Variants in PTPN12 observed in about 807,000 individuals in gnomAD.
The protein encoded by PTPN12 is protein tyrosine phosphatase non-receptor type 12, also known as tyrosine-protein phosphatase non-receptor type 12.
In PTPN12, 29 loss-of-function variants were observed where a neutral mutation model predicts 97.6. The ratio of observed to expected loss-of-function variants is 0.30; its 90% CI spans 0.22 to 0.41. The LOEUF (loss-of-function observed/expected upper bound fraction) is 0.41. PTPN12 is among the 10% of genes least tolerant of loss of function. The pLI is 1.00. For missense variants in PTPN12, 819 were observed against 926.0 expected (o/e 0.88, Z 1.50); for synonymous variants, 327 against 300.4 (o/e 1.09, Z -0.91).
intron 2 of PTPN12, among the ~76,000 whole-genome samples, chr7:77,576,362 T>A (rs538800783): frequency 1.3e-5 from 2 of 152,276 alleles, no homozygotes; most frequent in South Asian, 4.1e-4. Context: ...AATAATTGTT[T>A]TCATTTTTTT....
In PTPN12 at chr7:77,625,476, T is replaced by TCGCTCTCTCTCTCTCTCTCTCC. The variant is rs1562758666; in HGVS notation, c.1026-1228_1026-1227insGCTCTCTCTCTCTCTCTCTCCC. Among the ~76,000 whole-genome samples the TCGCTCTCTCTCTCTCTCTCTCC allele has an allele frequency of 7.2e-5, 2 of 27,600 alleles. 1 individual carries two copies. Among genetic ancestry groups the TCGCTCTCTCTCTCTCTCTCTCC allele is most frequent in the Non-Finnish European group, 1.2e-4 (2 of 16,104 alleles). 18.1% of individuals were successfully genotyped at this position (27,600 alleles called of 152,430 possible). A position where few individuals can be genotyped will look rare whatever the true frequency, so the allele number is the denominator to read the frequency against. Reference sequence around the variant, plus strand: ...GCCATATTGCCCAGGCTGCTCGCTCTCTCTCTCTCTCTCTCTCTCTCTCTC... The same window carrying TCGCTCTCTCTCTCTCTCTCTCC: ...GCCATATTGCCCAGGCTGCTCGCTCTCGCTCTCTCTCTCTCTCTCTCCCTCTCTCTCTCTCTCTCTCTCTCTC... On this transcript the variant is annotated intron_variant, in intron 12 of 17. Transcript: ENST00000248594.
chr7:77,550,794 A>G (rs564388969), intron 1 of PTPN12, among the ~76,000 whole-genome samples: 1 of 152,232 alleles, frequency 6.6e-6, no homozygotes, highest in Non-Finnish European at 1.5e-5. Flanking sequence ...CACTCTCATA[A>G]TAAGCAGATG....
intron 9 of PTPN12, among the ~76,000 whole-genome samples, chr7:77,609,770 A>C (rs1788502064): frequency 1.3e-5 from 2 of 151,338 alleles, no homozygotes; most frequent in South Asian, 4.2e-4. Context: ...AGTCCCAGCT[A>C]CTCCGGAGGC....
At chr7:77,559,894 A>G (rs1356802276) in intron 1 of PTPN12, among the ~76,000 whole-genome samples, 1 of 152,210 alleles carries the variant, frequency 6.6e-6, no homozygotes, top group Non-Finnish European at 1.5e-5. Flanking sequence ...TGATGGCGGC[A>G]TTGGTAGTGA....
chr7:77,628,278 G>A (rs1051435121), intron 13 of PTPN12, among the ~76,000 whole-genome samples: 1 of 152,088 alleles, frequency 6.6e-6, no homozygotes, highest in African/African-American at 2.4e-5. Context: ...ATTATTTAAA[G>A]AATTATTATT....
intron 12 of PTPN12, 108 bp downstream of exon 12, chr7:77,618,673 T>A (rs1788834663): frequency 1.3e-6 from 1 of 779,170 alleles, no homozygotes. Flanking sequence ...TAACTTTTAT[T>A]ATTATTTTGT....
chr7:77,557,137 T>A (rs906809033), intron 1 of PTPN12, among the ~76,000 whole-genome samples: 2 of 152,118 alleles, frequency 1.3e-5, no homozygotes, highest in Non-Finnish European at 2.9e-5. Flanking sequence ...TATCTATTTT[T>A]AAATTTTTTG....
intron 5 of PTPN12, among the ~76,000 whole-genome samples, chr7:77,590,600 G>A (rs959654310): frequency 3.4e-5 from 5 of 148,308 alleles, no homozygotes; most frequent in South Asian, 4.3e-4. Context: ...TCGCTCTGTC[G>A]CCCAGGCTTG....
chr7:77,627,586 G>C lies in PTPN12; in HGVS notation c.1907G>C (p.Ser636Thr). Residue 636 changes from serine to threonine, a missense_variant, in exon 13 of 18, where the codon AGT becomes ACT. This residue lies in a region of PTPN12 where 607 missense variants were observed against 577.3 expected (regional missense o/e 1.05). Transcript: ENST00000248594. ...TASATVSAATSTESISTRKVL... is the reference protein window; with the variant it reads ...TASATVSAATTTESISTRKVL... ...AGTGCCACAGTTTCTGCTGCCACTA[G>C]TACTGAAAGCATTTCTACTAGGAAA... The C allele has an allele frequency of 6.2e-7, 1 of 1,613,646 alleles. No individual in the cohort carries two copies. The highest frequency in any genetic ancestry group is 2.2e-5 in the East Asian group (1 of 44,876).
intron 9 of PTPN12, among the ~76,000 whole-genome samples, chr7:77,608,936 T>A (rs962639791): frequency 1.3e-5 from 2 of 152,202 alleles, no homozygotes; most frequent in Non-Finnish European, 2.9e-5. Flanking sequence ...AGTTGTGTAT[T>A]TTGGATAGGT....
intron 1 of PTPN12, among the ~76,000 whole-genome samples, chr7:77,548,724 G>A (rs1807338800): frequency 6.6e-6 from 1 of 152,102 alleles, no homozygotes; most frequent in Non-Finnish European, 1.5e-5. Flanking sequence ...TAGATTTTTG[G>A]TTGCAGCCTA....
chr7:77,624,370 A>G (rs1789056239), intron 12 of PTPN12, among the ~76,000 whole-genome samples: 1 of 152,112 alleles, frequency 6.6e-6, no homozygotes, highest in Non-Finnish European at 1.5e-5. Flanking sequence ...GGAGATATTC[A>G]TTTATCTTCT....
intron 1 of PTPN12, among the ~76,000 whole-genome samples, chr7:77,543,497 T>C (rs936572669): frequency 6.6e-6 from 1 of 152,146 alleles, no homozygotes; most frequent in African/African-American, 2.4e-5. Context: ...TTGTAGCTTA[T>C]AGGTTTAAAA....
chr7:77,600,410 T>C (rs1009948630), intron 7 of PTPN12, among the ~76,000 whole-genome samples: 1 of 152,224 alleles, frequency 6.6e-6, no homozygotes, highest in Non-Finnish European at 1.5e-5. Flanking sequence ...ATTTTATCTG[T>C]ATATCTCAGT....
intron 2 of PTPN12, among the ~76,000 whole-genome samples, chr7:77,575,663 T>G (rs890054285): frequency 6.6e-6 from 1 of 152,242 alleles, no homozygotes; most frequent in South Asian, 2.1e-4. Flanking sequence ...ATGATTTTTT[T>G]AAAGTAAATT....
intron 12 of PTPN12, among the ~76,000 whole-genome samples, chr7:77,624,078 T>C (rs957805532): frequency 6.6e-5 from 10 of 151,988 alleles, no homozygotes; most frequent in African/African-American, 2.2e-4. Context: ...CTGGGCAACA[T>C]GAACATGGCA....
chr7:77,619,514 A>G (rs1477597666), intron 12 of PTPN12, among the ~76,000 whole-genome samples: 2 of 152,170 alleles, frequency 1.3e-5, no homozygotes, highest in Non-Finnish European at 2.9e-5. Flanking sequence ...TGACCATGCA[A>G]GATTCTAACT....
intron 14 of PTPN12, among the ~76,000 whole-genome samples, 188 bp from the exon 15 acceptor site, chr7:77,635,594 C>G (rs1789559612): frequency 1.3e-5 from 2 of 151,900 alleles, no homozygotes; most frequent in African/African-American, 4.8e-5. Context: ...ACAGAATGTT[C>G]TCGAATTAAT....
intron 14 of PTPN12, among the ~76,000 whole-genome samples, chr7:77,635,234 C>A (rs1049214825): frequency 2.0e-5 from 3 of 152,142 alleles, no homozygotes; most frequent in African/African-American, 7.2e-5. Flanking sequence ...GAGTTTGAGA[C>A]CAGCCTGGGC....
Sources: allele counts gnomAD v4.1 joint callset (sites outside exome capture counted in the v4.1 genomes callset), GRCh38; gene constraint gnomAD v4.1.1; regional missense constraint gnomAD v4.1.1; transcripts MANE v1.5; gene names NCBI Gene and HGNC (gene_info 2026-07-23, HGNC 2026-07-21).